Variants in TBXT observed in about 807,000 individuals in gnomAD.
The protein encoded by TBXT is T brachyury transcription factor.
In TBXT, 19 loss-of-function variants were observed where a neutral mutation model predicts 41.1. The observed-to-expected ratio is 0.46, with a 90% CI of 0.32 to 0.68. The LOEUF (loss-of-function observed/expected upper bound fraction) is 0.68. Among genes scored for constraint, TBXT ranks in the 30% least tolerant of loss-of-function variants. The pLI is 0.03. For synonymous variants in TBXT, 213 were observed against 238.9 expected (o/e 0.89, Z 1.00); for missense variants, 536 against 582.0 (o/e 0.92, Z 0.81).
At chr6:166,158,858 G>A (rs1373625915) in intron 7 of TBXT, among the ~76,000 whole-genome samples, 2 of 152,202 alleles carry the variant, frequency 1.3e-5, no homozygotes, top group African/African-American at 2.4e-5. Context: ...ATGAAAGAGC[G>A]CTGTTAAGTT....
intron 7 of TBXT, among the ~76,000 whole-genome samples, chr6:166,159,824 CG>C (rs1778898108): frequency 6.6e-6 from 1 of 152,182 alleles, no homozygotes; most frequent in Admixed American, 6.5e-5. Flanking sequence ...CTGAGACCCT[CG>C]GGTGGGGCCT....
intron 5 of TBXT, among the ~76,000 whole-genome samples, chr6:166,163,130 G>A (rs984630094): frequency 1.3e-5 from 2 of 152,182 alleles, no homozygotes; most frequent in African/African-American, 2.4e-5. Flanking sequence ...TTCCTCCACT[G>A]AGCATGAATA....
Position 166,167,561 on chromosome 6 carries a change from T to C in TBXT, c.31A>G (p.Lys11Glu). 6.3e-7 allele frequency: 1 copy of C among 1,582,180 alleles called. No individual in the cohort carries two copies. Among genetic ancestry groups the C allele is most frequent in the Non-Finnish European group, 8.5e-7 (1 of 1,169,678 alleles). Residue 11 changes from lysine to glutamate, a missense_variant, in exon 1 of 8, where the codon AAG becomes GAG. Lys to Glu is a moderately conservative substitution (Grantham distance 56, BLOSUM62 1). Transcript: ENST00000366876. MSSPGTESAG[K>E]SLQYRVDHLL... ...TGGTCCACTCGGTACTGCAGGCTCT[T>C]TCCCGCGCTCTCGGTGCCAGGGGAG...
intron 6 of TBXT, 110 bp downstream of exon 6, chr6:166,162,337 C>G (rs546569853): frequency 2.9e-5 from 37 of 1,290,464 alleles, no homozygotes; most frequent in Non-Finnish European, 4.0e-5. Context: ...GGTATGTGTT[C>G]CAGAAAACCG....
chr6:166,163,260 C>T (rs1404249799), intron 5 of TBXT, among the ~76,000 whole-genome samples: 1 of 152,118 alleles, frequency 6.6e-6, no homozygotes, highest in Admixed American at 6.5e-5. Flanking sequence ...GCCTTCCTAG[C>T]TGGGGGTAGA....
At chr6:166,165,979 G>A in intron 2 of TBXT, 139 bp from the exon 3 acceptor site, 8 of 1,330,126 alleles carry the variant, frequency 6.0e-6, no homozygotes, top group Admixed American at 1.7e-5. Flanking sequence ...GGTTCCACCA[G>A]GGGAGGCTTC....
Position 166,162,619 on chromosome 6 carries a change from C to T in TBXT, c.735G>A (p.Gly245=). 2.5e-6 allele frequency: 4 copies of T among 1,611,134 alleles called. No homozygotes were observed. Among genetic ancestry groups the T allele is most frequent in the Non-Finnish European group, 3.4e-6 (4 of 1,178,526 alleles). The change falls in exon 6 of 8, where the codon GGG becomes GGA. Residue 245 remains glycine (G), a synonymous_variant. Coordinates refer to ENST00000366876, the MANE Select transcript of TBXT (RefSeq NM_001366285.2). ...TGCTGGTTCCAGGAAGAAGCCACCC[C>T]CCTGCTGTGAGAAAAGACAGTGCTG... ...DSQQPGYSQS[G]GWLLPGTSTL... is the part of the protein sequence containing the mutation.
Position 166,166,577 on chromosome 6 carries a change from G to C in TBXT, c.471+15C>G. The stretch of plus-strand genomic sequence containing the variant: ...TCCTCGCTGGTCCCAGACCTGGCGG[G>C]CTCCTCACACCTACCTGGCCCCCTC... On this transcript the variant is annotated intron_variant, in intron 2 of 7. Transcript: ENST00000366876. 1.2e-6 allele frequency: 2 copies of C among 1,613,632 alleles called. No individual in the cohort carries two copies. The highest frequency in any genetic ancestry group is 1.3e-5 in the African/African-American group (1 of 75,050).
At chr6:166,163,991 G>C (rs779703038) in intron 5 of TBXT, among the ~76,000 whole-genome samples, 1 of 152,210 alleles carries the variant, frequency 6.6e-6, no homozygotes, top group Non-Finnish European at 1.5e-5. Flanking sequence ...CAGTGCTACC[G>C]CGTTCATTGT....
At chr6:166,167,937 G>T, upstream of TBXT, 1 of 393,970 alleles carries the variant, frequency 2.5e-6, no homozygotes. Flanking sequence ...CGCACGCTTT[G>T]AAGTGCCGGG....
intron 6 of TBXT, among the ~76,000 whole-genome samples, chr6:166,161,283 T>A (rs1778948027): frequency 6.6e-6 from 1 of 152,150 alleles, no homozygotes; most frequent in Admixed American, 6.5e-5. Context: ...TAAAAATAAA[T>A]ATAACTTTAC....
chr6:166,163,659 C>T (rs1289293074), intron 5 of TBXT, among the ~76,000 whole-genome samples: 7 of 152,172 alleles, frequency 4.6e-5, no homozygotes, highest in African/African-American at 1.4e-4. Context: ...GTTGGGATTA[C>T]AGGCGTGAGC....
chr6:166,162,492 A>C lies in TBXT; in HGVS notation c.862T>G (p.Ser288Ala). 6.2e-7 allele frequency: 1 copy of C among 1,614,084 alleles called. No homozygotes were observed. Among genetic ancestry groups the C allele is most frequent in the Non-Finnish European group, 8.5e-7 (1 of 1,179,988 alleles). Residue 288 changes from serine to alanine, a missense_variant, in exon 6 of 8, where the codon TCC (serine) becomes GCC (alanine). Physicochemically the swap from Ser to Ala is moderately conservative, Grantham distance 99. Transcript: ENST00000366876. Reference sequence around the variant, plus strand: ...GCATAGGGGCTGGGGTAGGGTGAGGACCGGTGGCTCCTCAGGGTTGGGTAC... The same window carrying C: ...GCATAGGGGCTGGGGTAGGGTGAGGCCCGGTGGCTCCTCAGGGTTGGGTAC... ...DRYPTLRSHR[S>A]SPYPSPYAHR...
chr6:166,164,951 A>T, intron 3 of TBXT, 90 bp from the exon 4 acceptor site: 1 of 1,008,694 alleles, frequency 9.9e-7, no homozygotes, highest in Non-Finnish European at 1.5e-6. Context: ...TGCCAGTACC[A>T]CTTTTAAATA....
At chr6:166,164,992 C>T (rs1281238114) in intron 3 of TBXT, 131 bp from the exon 4 acceptor site, 2 of 780,400 alleles carry the variant, frequency 2.6e-6, no homozygotes, top group African/African-American at 3.5e-5. Flanking sequence ...TTTCCACATA[C>T]AGTTTTCTAT....
chr6:166,160,738 A>C, intron 7 of TBXT, 99 bp downstream of exon 7: 2 of 1,547,864 alleles, frequency 1.3e-6, no homozygotes, highest in Non-Finnish European at 1.8e-6. Flanking sequence ...CACAGGGACC[A>C]AGGAGAATAA....
chr6:166,164,944 C>A (rs1009381347), intron 3 of TBXT, 83 bp from the exon 4 acceptor site: 1 of 1,095,110 alleles, frequency 9.1e-7, no homozygotes, highest in Non-Finnish European at 1.4e-6. Context: ...TGAGAAATGC[C>A]AGTACCACTT....
intron 7 of TBXT, 135 bp downstream of exon 7, chr6:166,160,702 G>T: frequency 6.1e-6 from 8 of 1,313,292 alleles, no homozygotes; most frequent in Non-Finnish European, 8.3e-6. Context: ...GGCTAATAAA[G>T]AATTCTAAAT....
Position 166,166,810 on chromosome 6 carries a change from T to G in TBXT, c.253A>C (p.Asn85His). 1 of 1,613,844 alleles carries G rather than the reference T, an allele frequency of 6.2e-7. No homozygotes were observed. Among genetic ancestry groups the G allele is most frequent in the East Asian group, 2.2e-5 (1 of 44,880 alleles). ...TCCAGCAGGAAGGAGTACATGGCGT[T>G]GGGGTCCAGGCCAGACACGTTCACC... ...LKVNVSGLDP[N>H]AMYSFLLDFV... is the part of the protein sequence containing the mutation. Residue 85 changes from asparagine to histidine, a missense_variant, in exon 2 of 8, where the codon AAC (asparagine) becomes CAC (histidine). Asn to His is a moderately conservative substitution (Grantham distance 68). Coordinates refer to ENST00000366876, the MANE Select transcript of TBXT (RefSeq NM_001366285.2).
Sources: gnomAD v4.1 joint callset for allele counts (sites outside exome capture counted in the v4.1 genomes callset) on GRCh38, gnomAD v4.1.1 for gene constraint, MANE v1.5 for transcripts, NCBI Gene and HGNC (gene_info 2026-07-23, HGNC 2026-07-21) for gene names.